Variants in UGT2A2 observed in about 807,000 individuals in gnomAD.
UGT2A2 encodes UDP glucuronosyltransferase family 2 member A2.
A neutral mutation model predicts 50.7 loss-of-function variants in UGT2A2; 60 were observed. The observed-to-expected ratio is 1.18, with a 90% confidence interval of 0.96 to 1.47. The LOEUF is 1.47. Among genes scored for constraint, UGT2A2 ranks in the 40% most tolerant of loss-of-function variants. The pLI is 0.00. For synonymous variants in UGT2A2, 242 were observed against 214.6 expected, an observed-to-expected ratio of 1.13 and a Z score of -1.11; for missense variants, 762 against 634.0, an observed-to-expected ratio of 1.20 and a Z score of -2.17.
intron 1 of UGT2A2, among the ~76,000 whole-genome samples, chr4:69,615,668 T>C (rs553942723): frequency 2.6e-5 from 4 of 151,734 alleles, no homozygotes; most frequent in Non-Finnish European, 5.9e-5. Context: ...TGAGATATCA[T>C]CTGAGCCCAG....
rs1719136204 is a variant in UGT2A2, at chr4:69,599,539, A to G, written c.743-145T>C. 7.0e-6 allele frequency: 8 copies of G among 1,144,376 alleles called. No homozygotes were observed. The South Asian group carries it at 1.1e-4, about 15-fold the overall frequency. 70.9% of individuals were successfully genotyped at this position (1,144,376 alleles called of 1,614,324 possible). On this transcript the variant is annotated intron_variant, in intron 1 of 5. Coordinates refer to ENST00000604629, the MANE Select transcript of UGT2A2 (RefSeq NM_001105677.2). ...GAATACTTATCATGTTTATATATTAAGAAGAAGGAGAAATTAAAGAGGATG... is the reference window on the plus strand; with the variant it reads ...GAATACTTATCATGTTTATATATTAGGAAGAAGGAGAAATTAAAGAGGATG...
chr4:69,614,022 GA>G (rs1720220965), intron 1 of UGT2A2, among the ~76,000 whole-genome samples: 1 of 151,886 alleles, frequency 6.6e-6, no homozygotes, highest in Admixed American at 6.6e-5. Flanking sequence ...AAATTATAAA[GA>G]AAATAAAGTC....
intron 1 of UGT2A2, among the ~76,000 whole-genome samples, chr4:69,606,297 A>G (rs1385945277): frequency 2.2e-5 from 3 of 136,906 alleles, no homozygotes; most frequent in Non-Finnish European, 3.1e-5. Flanking sequence ...GTAATCCAGC[A>G]TATAAACAGA....
Position 69,639,425 on chromosome 4 carries a change from G to A in UGT2A2, c.216C>T (p.Ser72=), listed in dbSNP as rs773082420. 1 of 1,613,278 alleles carries A rather than the reference G, an allele frequency of 6.2e-7. No homozygotes were observed. The highest frequency in any genetic ancestry group is 8.5e-7 in the Non-Finnish European group (1 of 1,179,586). Residue 72 remains serine, a synonymous_variant, in exon 1 of 6, where the codon TCC becomes TCT. Coordinates refer to ENST00000604629, the MANE Select transcript of UGT2A2 (RefSeq NM_001105677.2). ...CAAAATTCACAGGAGAATCGGGATT[G>A]GAGTTGATGAATAGAGTTGCTGATG... ...LASSATLFIN[S]NPDSPVNFEV...
chr4:69,596,156 T>G, intron 3 of UGT2A2, 94 bp downstream of exon 3: 10 of 1,361,246 alleles, frequency 7.3e-6, no homozygotes, highest in Non-Finnish European at 6.7e-6. Context: ...CAGTGTATAA[T>G]GAGTTTTGAT....
At chr4:69,595,038 T>G in intron 4 of UGT2A2, 124 bp downstream of exon 4, 1 of 1,348,834 alleles carries the variant, frequency 7.4e-7, no homozygotes, top group Non-Finnish European at 1.0e-6. Context: ...TTATATCTGC[T>G]TTAAAATTGA....
At chr4:69,603,964 G>T (rs1490923344) in intron 1 of UGT2A2, among the ~76,000 whole-genome samples, 5 of 136,722 alleles carry the variant, frequency 3.7e-5, no homozygotes, top group Non-Finnish European at 7.8e-5. Context: ...AAGTGATGGG[G>T]AGAATGGAAC....
rs143811099 is a variant in UGT2A2, at chr4:69,638,305, G to T, written c.742+594C>A. ...CAACCAATCAGGACTGGCCTTGATGGTTAACATTATTGTGTTTGATTCTCA... is the reference window on the plus strand; with the variant it reads ...CAACCAATCAGGACTGGCCTTGATGTTTAACATTATTGTGTTTGATTCTCA... On this transcript the variant is annotated intron_variant, in intron 1 of 5. Transcript: ENST00000604629. 9.2e-5 allele frequency among the ~76,000 whole-genome samples: 14 copies of T among 152,204 alleles called. No individual in the cohort carries two copies. The East Asian group carries it at 2.7e-3, about 29-fold the overall frequency.
intron 1 of UGT2A2, among the ~76,000 whole-genome samples, chr4:69,637,201 A>G (rs559116530): frequency 6.6e-6 from 1 of 152,292 alleles, no homozygotes; most frequent in East Asian, 1.9e-4. Flanking sequence ...AAGGAATTTT[A>G]AAAATACAGA....
At chr4:69,597,690 C>G (rs1719014033) in intron 2 of UGT2A2, among the ~76,000 whole-genome samples, 1 of 151,502 alleles carries the variant, frequency 6.6e-6, no homozygotes, top group South Asian at 2.1e-4. Context: ...ATTTATTTTC[C>G]AAACAGATAT....
chr4:69,639,382 A>C lies in UGT2A2; in HGVS notation c.259T>G (p.Tyr87Asp). ...AAGGAATCTATATTGCTCTTCTTGTAGGAAACAGGTATCACTTCAAAATTC... is the reference window on the plus strand; with the variant it reads ...AAGGAATCTATATTGCTCTTCTTGTCGGAAACAGGTATCACTTCAAAATTC... Reference protein sequence around the residue: ...PVNFEVIPVSYKKSNIDSLIE... With the variant: ...PVNFEVIPVSDKKSNIDSLIE... Residue 87 changes from tyrosine to aspartate, a missense_variant, in exon 1 of 6, where the codon TAC becomes GAC. Transcript: ENST00000604629. 6.2e-7 allele frequency: 1 copy of C among 1,613,628 alleles called. No homozygotes were observed. The highest frequency in any genetic ancestry group is 8.5e-7 in the Non-Finnish European group (1 of 1,179,708).
chr4:69,638,956 C>G lies in UGT2A2; in HGVS notation c.685G>C (p.Asp229His), dbSNP rs1721882661. ...IKNTISYSLQ[D>H]YIFQSYWGEW... ...CCCCAGTAGGACTGAAATATATAGT[C>G]TTGCAGAGAATAAGATATGGTATTT... The change falls in exon 1 of 6, where the codon GAC (aspartate) becomes CAC (histidine). Residue 229 changes from aspartate to histidine, a missense_variant. Coordinates refer to ENST00000604629, the MANE Select transcript of UGT2A2 (RefSeq NM_001105677.2). The G allele has an allele frequency of 6.2e-7, 1 of 1,612,730 alleles. No homozygotes were observed. The highest frequency in any genetic ancestry group is 8.5e-7 in the Non-Finnish European group (1 of 1,179,350).
chr4:69,627,619 GAA>G (rs1721163403), intron 1 of UGT2A2, among the ~76,000 whole-genome samples: 3 of 142,466 alleles, frequency 2.1e-5, no homozygotes, highest in Admixed American at 1.4e-4. Flanking sequence ...AGAAAGAGAA[GAA>G]AGAAAAAAGA....
intron 1 of UGT2A2, among the ~76,000 whole-genome samples, chr4:69,634,032 T>G (rs150092875): frequency 0.023 from 3,475 of 152,062 alleles, 60 homozygotes; most frequent in East Asian, 0.069. Context: ...GATCAGGAGC[T>G]CAGGAGATCG....
intron 2 of UGT2A2, among the ~76,000 whole-genome samples, 177 bp downstream of exon 2, chr4:69,599,069 T>C (rs549992117): frequency 6.6e-6 from 1 of 152,302 alleles, no homozygotes; most frequent in African/African-American, 2.4e-5. Context: ...ATTGTCAATG[T>C]AAAGTTCAAA....
intron 1 of UGT2A2, among the ~76,000 whole-genome samples, chr4:69,611,182 G>C (rs1051560799): frequency 6.6e-6 from 1 of 151,478 alleles, no homozygotes; most frequent in Non-Finnish European, 1.5e-5. Flanking sequence ...ATCTTGCTCT[G>C]TCACTCAAGC....
intron 1 of UGT2A2, among the ~76,000 whole-genome samples, chr4:69,618,980 T>C (rs746627544): frequency 1.1e-4 from 17 of 152,016 alleles, no homozygotes; most frequent in Admixed American, 3.3e-4. Flanking sequence ...TGTTGAATTT[T>C]ATAATTTAAT....
chr4:69,633,508 A>T (rs1721502396), intron 1 of UGT2A2, among the ~76,000 whole-genome samples: 3 of 152,208 alleles, frequency 2.0e-5, no homozygotes, highest in African/African-American at 7.2e-5. Context: ...TGTTCAAAGC[A>T]GTGTTCATCA....
At chr4:69,627,451 G>GGCAGACAGGCAA (rs1157668027) in intron 1 of UGT2A2, among the ~76,000 whole-genome samples, 2 of 128,172 alleles carry the variant, frequency 1.6e-5, no homozygotes, top group African/African-American at 6.3e-5. Flanking sequence ...TTGTTCCATA[G>GGCAGACAGGCAA]GCAGACAGGC....
Sources: allele counts gnomAD v4.1 joint callset (sites outside exome capture counted in the v4.1 genomes callset), GRCh38; gene constraint gnomAD v4.1.1; transcripts MANE v1.5; gene names NCBI Gene and HGNC (gene_info 2026-07-23, HGNC 2026-07-21).